Variants in SNAPC1 observed in about 807,000 individuals in gnomAD.
The protein encoded by SNAPC1 is snRNA-activating protein complex subunit 1.
SNAPC1 carries 42 observed loss-of-function variants against 50.1 expected under a neutral mutation model. The observed-to-expected ratio is 0.84, with a 90% CI of 0.65 to 1.08. The LOEUF (loss-of-function observed/expected upper bound fraction) is 1.08, where lower values mean the gene tolerates loss of function less well. Among genes scored for constraint, SNAPC1 ranks in the 50% least tolerant of loss-of-function variants. The pLI, the probability that SNAPC1 is intolerant of heterozygous loss-of-function variation, is 0.00. For synonymous variants in SNAPC1, 164 were observed against 144.2 expected (o/e 1.14, Z -0.98); for missense variants, 477 against 427.3 (o/e 1.12, Z -1.02).
chr14:61,768,604 A>G (rs1443339276), intron 3 of SNAPC1, 32 bp from the exon 4 acceptor site: 6 of 1,090,458 alleles, frequency 5.5e-6, no homozygotes, highest in Admixed American at 3.8e-5. Context: ...TTTAAAAGAT[A>G]CTCATTTAAA....
Position 61,769,393 on chromosome 14 carries a change from G to GT in SNAPC1, c.534+673dup, listed in dbSNP as rs766718835. On this transcript the variant is annotated intron_variant, in intron 4 of 9. Coordinates refer to ENST00000216294, the MANE Select transcript of SNAPC1 (RefSeq NM_003082.4). ...AACCAATGTGCATTTATTTCCTGAG[G>GT]TTTTTTTTTTTTTTTTTTTTCTCAC... 4.4e-3 allele frequency among the ~76,000 whole-genome samples: 514 copies of GT among 116,344 alleles called. 10 individuals carry two copies. Among genetic ancestry groups the GT allele is most frequent in the African/African-American group, 8.7e-3 (273 of 31,280 alleles). The allele number at this position is 116,344 out of a possible 152,430, so 76.3% of individuals were successfully genotyped here. A position where few individuals can be genotyped will look rare whatever the true frequency, so the allele number is the denominator to read the frequency against.
chr14:61,765,384 C>T (rs1031402071), intron 1 of SNAPC1, among the ~76,000 whole-genome samples: 1 of 152,124 alleles, frequency 6.6e-6, no homozygotes. Context: ...TGTTGACATG[C>T]GCCCAAGGTG....
Position 61,776,168 on chromosome 14 carries a change from A to C in SNAPC1, c.608A>C (p.Lys203Thr). ...TCAGTTGATAAGTCCAAGCCAGATA[A>C]AGCCCTCAGCTTGATAAAGGATGAT... Reference protein sequence around the residue: ...VISVDKSKPDKALSLIKDDFF... With the variant: ...VISVDKSKPDTALSLIKDDFF... The change falls in exon 5 of 10, where the codon AAA becomes ACA. Residue 203 changes from lysine to threonine, a missense_variant. By Grantham distance (78) the Lys-to-Thr change is moderately conservative. Coordinates refer to ENST00000216294, the MANE Select transcript of SNAPC1 (RefSeq NM_003082.4). 1 of 1,612,128 alleles carries C rather than the reference A, an allele frequency of 6.2e-7. No homozygotes were observed. The highest frequency in any genetic ancestry group is 1.7e-4 in the Middle Eastern group (1 of 6,040).
At chr14:61,764,606 GA>G (rs1393456635) in intron 1 of SNAPC1, among the ~76,000 whole-genome samples, 18 of 152,138 alleles carry the variant, frequency 1.2e-4, no homozygotes, top group Non-Finnish European at 2.5e-4. Flanking sequence ...GTGGATTGTA[GA>G]GCAGATGTTG....
intron 1 of SNAPC1, among the ~76,000 whole-genome samples, chr14:61,763,499 T>G (rs1212260701): frequency 9.1e-6 from 1 of 110,456 alleles, no homozygotes; most frequent in Non-Finnish European, 1.9e-5. Context: ...TTTTTTTTTT[T>G]TTTTTTTCTT....
chr14:61,764,502 C>A (rs907814366), intron 1 of SNAPC1, among the ~76,000 whole-genome samples: 3 of 151,814 alleles, frequency 2.0e-5, no homozygotes, highest in Admixed American at 2.0e-4. Flanking sequence ...TTGCATAAGA[C>A]AGTTATAAAA....
intron 8 of SNAPC1, among the ~76,000 whole-genome samples, chr14:61,786,341 C>T (rs1393694984): frequency 6.6e-6 from 1 of 152,028 alleles, no homozygotes; most frequent in Non-Finnish European, 1.5e-5. Context: ...TCAAAAGACA[C>T]TGTTAAGAAG....
At chr14:61,769,367 A>C (rs930781591) in intron 4 of SNAPC1, among the ~76,000 whole-genome samples, 7 of 151,316 alleles carry the variant, frequency 4.6e-5, no homozygotes, top group African/African-American at 1.7e-4. Flanking sequence ...AAAAACAAAA[A>C]AACCAATGTG....
At chr14:61,784,645 T>G (rs1363558685) in intron 8 of SNAPC1, among the ~76,000 whole-genome samples, 2 of 152,224 alleles carry the variant, frequency 1.3e-5, no homozygotes, top group Non-Finnish European at 2.9e-5. Flanking sequence ...CCAGTAAAAC[T>G]GTATAAAAGC....
intron 4 of SNAPC1, among the ~76,000 whole-genome samples, chr14:61,772,211 C>G (rs1220110932): frequency 6.6e-6 from 1 of 152,086 alleles, no homozygotes; most frequent in Non-Finnish European, 1.5e-5. Flanking sequence ...ATCCTCCCAC[C>G]TCAGCCTCCT....
chr14:61,762,659 C>T, intron 1 of SNAPC1, 71 bp downstream of exon 1: 2 of 1,564,642 alleles, frequency 1.3e-6, no homozygotes, highest in Admixed American at 3.4e-5. Context: ...TCCTTCCCGG[C>T]GATATTGCAC....
chr14:61,770,259 C>G (rs1381911164), intron 4 of SNAPC1, among the ~76,000 whole-genome samples: 2 of 144,832 alleles, frequency 1.4e-5, no homozygotes, highest in Non-Finnish European at 3.0e-5. Context: ...TTTCTTGTCC[C>G]TGACACAGGA....
chr14:61,782,104 G>A (rs1566591503), intron 7 of SNAPC1, 143 bp from the exon 8 acceptor site: 1 of 599,798 alleles, frequency 1.7e-6, no homozygotes, highest in Non-Finnish European at 2.8e-6. Flanking sequence ...TAGTAAGCCA[G>A]CCAGGGGTAA....
Position 61,762,428 on chromosome 14 carries a change from G to GCGGGCTTCGGAGGCGTC in SNAPC1, c.-17_-16insCCGGGCTTCGGAGGCGT. ...CCGCTGGCTAGTCCGTTAGAGGCGT[G>GCGGGCTTCGGAGGCGTC]CGGGCTTCGGAGGCGTGCGGGCTTC... is the stretch of plus-strand genomic sequence containing the variant. On this transcript the variant is annotated 5_prime_UTR_variant, in exon 1 of 10. Transcript: ENST00000216294. 1 of 1,605,192 alleles carries GCGGGCTTCGGAGGCGTC rather than the reference G, an allele frequency of 6.2e-7. No individual in the cohort carries two copies. The highest frequency in any genetic ancestry group is 8.5e-7 in the Non-Finnish European group (1 of 1,177,500).
intron 9 of SNAPC1, among the ~76,000 whole-genome samples, chr14:61,794,209 T>A (rs2045172190): frequency 6.6e-6 from 1 of 152,116 alleles, no homozygotes; most frequent in Admixed American, 6.5e-5. Context: ...CTGGCCTAAA[T>A]ACCTTTGAGA....
intron 6 of SNAPC1, among the ~76,000 whole-genome samples, chr14:61,778,435 T>G (rs1299428824): frequency 6.6e-6 from 1 of 152,210 alleles, no homozygotes; most frequent in African/African-American, 2.4e-5. Context: ...TGTCAGCCTT[T>G]CAACCAGTGT....
At chr14:61,790,991 T>C (rs2045148428) in intron 8 of SNAPC1, among the ~76,000 whole-genome samples, 1 of 152,196 alleles carries the variant, frequency 6.6e-6, no homozygotes, top group African/African-American at 2.4e-5. Flanking sequence ...TTGAGGTTAA[T>C]GATTACAATG....
intron 3 of SNAPC1, among the ~76,000 whole-genome samples, chr14:61,767,563 G>A (rs1372384810): frequency 6.8e-6 from 1 of 146,724 alleles, no homozygotes; most frequent in African/African-American, 2.5e-5. Flanking sequence ...TCCCGGGTTC[G>A]AGGGATTTTC....
At chr14:61,765,075 A>AT (rs1195698377) in intron 1 of SNAPC1, among the ~76,000 whole-genome samples, 3 of 152,204 alleles carry the variant, frequency 2.0e-5, no homozygotes, top group Admixed American at 1.3e-4. Context: ...AAAATCTGGC[A>AT]TTTTTTATCT....
Sources: allele counts gnomAD v4.1 joint callset (sites outside exome capture counted in the v4.1 genomes callset), GRCh38; gene constraint gnomAD v4.1.1; transcripts MANE v1.5; gene names NCBI Gene and HGNC (gene_info 2026-07-23, HGNC 2026-07-21).